Variants in AAK1 observed in about 807,000 individuals in gnomAD.
AAK1 encodes AP2-associated protein kinase 1.
In AAK1, 37 loss-of-function variants were observed where a neutral mutation model predicts 116.0. The observed-to-expected ratio is 0.32, with a 90% CI of 0.25 to 0.42. The LOEUF (loss-of-function observed/expected upper bound fraction) is 0.42. Ranked by LOEUF, AAK1 falls within the 10% of genes least tolerant of loss-of-function variation. The pLI is 1.00. For synonymous variants in AAK1, 458 were observed against 439.9 expected (o/e 1.04, Z -0.51); for missense variants, 919 against 1,170.6 (o/e 0.79, Z 3.14).
At chr2:69,608,015 G>A (rs565064246) in intron 2 of AAK1, among the ~76,000 whole-genome samples, 28 of 152,190 alleles carry the variant, frequency 1.8e-4, no homozygotes, top group Admixed American at 7.8e-4. Flanking sequence ...TTGGAAACCA[G>A]GAAGGATGCC....
chr2:69,622,127 G>A (rs575586362), intron 2 of AAK1, among the ~76,000 whole-genome samples: 1 of 152,358 alleles, frequency 6.6e-6, no homozygotes, highest in South Asian at 2.1e-4. Flanking sequence ...GCGCCTGTGG[G>A]CCAGCGCCAG....
chr2:69,500,698 T>TATATATATATATATATACACAC, intron 16 of AAK1, among the ~76,000 whole-genome samples: 3 of 65,102 alleles, frequency 4.6e-5, no homozygotes, highest in Non-Finnish European at 5.2e-5. Context: ...TATATATATA[T>TATATATATATATATATACACAC]ACACACACAC....
intron 2 of AAK1, among the ~76,000 whole-genome samples, chr2:69,573,431 G>A (rs763660839): frequency 6.6e-6 from 1 of 152,216 alleles, no homozygotes; most frequent in African/African-American, 2.4e-5. Context: ...AAGACGAGAA[G>A]CATTCCACCC....
intron 6 of AAK1, 122 bp downstream of exon 6, chr2:69,531,919 T>G: frequency 3.4e-6 from 5 of 1,453,514 alleles, no homozygotes; most frequent in Non-Finnish European, 4.7e-6. Flanking sequence ...CATGATGCTC[T>G]GAGATGAAGG....
chr2:69,566,213 G>C (rs1671860143), intron 2 of AAK1, among the ~76,000 whole-genome samples: 1 of 152,158 alleles, frequency 6.6e-6, no homozygotes. Flanking sequence ...AAAAGCTTCG[G>C]AAGGAACAAA....
At chr2:69,624,683 A>G (rs1186531909) in intron 2 of AAK1, among the ~76,000 whole-genome samples, 4 of 152,300 alleles carry the variant, frequency 2.6e-5, no homozygotes, top group African/African-American at 9.6e-5. Flanking sequence ...TGGAACCAGT[A>G]TTCATTTCAT....
chr2:69,638,570 G>A (rs898819181), intron 2 of AAK1, among the ~76,000 whole-genome samples: 2 of 152,186 alleles, frequency 1.3e-5, no homozygotes, highest in Non-Finnish European at 2.9e-5. Flanking sequence ...CTACCACTCC[G>A]TGTCCTCTGT....
intron 2 of AAK1, among the ~76,000 whole-genome samples, chr2:69,613,574 T>C (rs910363061): frequency 3.9e-5 from 6 of 152,190 alleles, no homozygotes; most frequent in Non-Finnish European, 8.8e-5. Context: ...GAGCTAGAGA[T>C]AGAGCTAATC....
intron 2 of AAK1, among the ~76,000 whole-genome samples, chr2:69,563,921 C>T (rs1165551994): frequency 1.3e-5 from 2 of 152,080 alleles, no homozygotes; most frequent in Non-Finnish European, 2.9e-5. Context: ...AGGCCAGGCG[C>T]GGTGGCTCAC....
intron 2 of AAK1, among the ~76,000 whole-genome samples, chr2:69,642,542 T>A (rs1407150439): frequency 2.0e-5 from 3 of 152,112 alleles, no homozygotes; most frequent in Non-Finnish European, 2.9e-5. Context: ...TTTAGGAGGA[T>A]GACAAGCCCA....
At chr2:69,555,023 A>C (rs1248982050) in intron 3 of AAK1, among the ~76,000 whole-genome samples, 1 of 152,212 alleles carries the variant, frequency 6.6e-6, no homozygotes. Context: ...AGAAAGTGAA[A>C]TCATGGGATT....
rs2104850533 is a variant in AAK1, at chr2:69,460,244, G to A, written c.*15625C>T. ...ACTTTTCTTTATTAAAGGGACCCAAGTGATTTTTAAGCTGTATTCTTCCTG... is the reference window on the plus strand; with the variant it reads ...ACTTTTCTTTATTAAAGGGACCCAAATGATTTTTAAGCTGTATTCTTCCTG... On this transcript the variant is annotated 3_prime_UTR_variant, in exon 22 of 22. Coordinates refer to ENST00000409085, the MANE Select transcript of AAK1 (RefSeq NM_014911.5). 6.6e-6 allele frequency: 1 copy of A among 152,650 alleles called. No homozygotes were observed. The highest frequency in any genetic ancestry group is 2.1e-4 in the South Asian group (1 of 4,820). The allele number at this position is 152,650 out of a possible 1,614,324, so 9.5% of individuals were successfully genotyped here. A position where few individuals can be genotyped will look rare whatever the true frequency, so the allele number is the denominator to read the frequency against.
At chr2:69,599,441 T>C (rs2105190822) in intron 2 of AAK1, among the ~76,000 whole-genome samples, 1 of 151,848 alleles carries the variant, frequency 6.6e-6, no homozygotes, top group East Asian at 1.9e-4. Context: ...CTGTTTTTGG[T>C]CATTTAGAAG....
intron 3 of AAK1, among the ~76,000 whole-genome samples, chr2:69,545,448 G>C (rs1572942842): frequency 6.6e-6 from 1 of 152,196 alleles, no homozygotes; most frequent in Non-Finnish European, 1.5e-5. Context: ...TTAATAAATT[G>C]TCTGATTTTT....
intron 2 of AAK1, among the ~76,000 whole-genome samples, chr2:69,597,063 A>T (rs1004110006): frequency 6.6e-5 from 10 of 151,686 alleles, no homozygotes; most frequent in Middle Eastern, 3.4e-3. Context: ...AGCAAATCTG[A>T]GTGTTTTACT....
intron 7 of AAK1, 54 bp from the exon 8 acceptor site, chr2:69,530,194 A>G: frequency 6.6e-7 from 1 of 1,522,968 alleles, no homozygotes; most frequent in Non-Finnish European, 8.8e-7. Flanking sequence ...CATGACTCTA[A>G]ATGGATCTAA....
chr2:69,499,296 C>T (rs1014738426), intron 16 of AAK1, among the ~76,000 whole-genome samples: 3 of 152,206 alleles, frequency 2.0e-5, no homozygotes, highest in Admixed American at 6.5e-5. Context: ...ATCCTAATCT[C>T]ACACCTTCCA....
chr2:69,490,121 C>A (rs976722407), intron 17 of AAK1, among the ~76,000 whole-genome samples: 1 of 152,114 alleles, frequency 6.6e-6, no homozygotes, highest in African/African-American at 2.4e-5. Context: ...GATGGGGCAA[C>A]GAATGTCTTC....
intron 2 of AAK1, among the ~76,000 whole-genome samples, chr2:69,608,167 C>T (rs1216855497): frequency 1.3e-5 from 2 of 152,182 alleles, no homozygotes; most frequent in African/African-American, 4.8e-5. Context: ...GCAGCACCTG[C>T]AGGACACAAA....
Sources: gnomAD v4.1 joint callset for allele counts (sites outside exome capture counted in the v4.1 genomes callset) on GRCh38, gnomAD v4.1.1 for gene constraint, MANE v1.5 for transcripts, NCBI Gene and HGNC (gene_info 2026-07-23, HGNC 2026-07-21) for gene names.